Variants in PLXNC1 observed in about 807,000 individuals in gnomAD.
PLXNC1 encodes plexin C1.
PLXNC1 carries 75 observed loss-of-function variants against 178.2 expected under a neutral mutation model. That is an observed-to-expected ratio of 0.42 (90% CI 0.35 to 0.51). The LOEUF (loss-of-function observed/expected upper bound fraction) is 0.51, where lower values mean the gene tolerates loss of function less well. Among genes scored for constraint, PLXNC1 ranks in the 20% least tolerant of loss-of-function variants. PLXNC1 has a pLI of 0.02. For missense variants in PLXNC1, 1,503 were observed against 1,984.4 expected (o/e 0.76, Z 4.61); for synonymous variants, 790 against 779.9 (o/e 1.01, Z -0.22).
intron 20 of PLXNC1, among the ~76,000 whole-genome samples, chr12:94,262,275 C>T (rs1965010622): frequency 6.6e-6 from 1 of 152,212 alleles, no homozygotes; most frequent in African/African-American, 2.4e-5. Flanking sequence ...CATCTCAGCC[C>T]CGGTCAGCTG....
chr12:94,172,268 T>G lies in PLXNC1; in HGVS notation c.1203+2975T>G, dbSNP rs368564763. Reference sequence around the variant, plus strand: ...AGCCACAGCCTGACTCATCAGTTTCTGAGTGATCATGAGTTGACGGCATTT... The same window carrying G: ...AGCCACAGCCTGACTCATCAGTTTCGGAGTGATCATGAGTTGACGGCATTT... On this transcript the variant is annotated intron_variant, in intron 2 of 30. Coordinates refer to ENST00000258526, the MANE Select transcript of PLXNC1 (RefSeq NM_005761.3). 4.6e-5 allele frequency among the ~76,000 whole-genome samples: 7 copies of G among 152,304 alleles called. No homozygotes were observed. In the East Asian group the frequency reaches 1.4e-3, roughly 29 times the overall value.
At chr12:94,163,010 C>T (rs1422851963) in intron 1 of PLXNC1, among the ~76,000 whole-genome samples, 1 of 152,096 alleles carries the variant, frequency 6.6e-6, no homozygotes, top group Non-Finnish European at 1.5e-5. Context: ...AGGAGCCATC[C>T]CATGTAGAAT....
At chr12:94,227,491 G>A (rs1035878145) in intron 9 of PLXNC1, 11 of 323,634 alleles carry the variant, frequency 3.4e-5, no homozygotes, top group Non-Finnish European at 6.4e-5. Context: ...AAATTGTAAA[G>A]GTGACTTTGC....
chr12:94,303,769 A>G lies in PLXNC1; in HGVS notation c.4400A>G (p.Asn1467Ser). ...EQQLGKEAPT[N>S]KLLYAKDIPT... ...TTTTTTCCCCAGGAAGCACCAACTAATAAGCTTCTCTATGCCAAGGATATC... is the reference window on the plus strand; with the variant it reads ...TTTTTTCCCCAGGAAGCACCAACTAGTAAGCTTCTCTATGCCAAGGATATC... Residue 1467 changes from asparagine to serine, a missense_variant, in exon 29 of 31, where the codon AAT becomes AGT. By Grantham distance (46) the Asn-to-Ser change is conservative. This residue lies in a region of PLXNC1 where 639 missense variants were observed against 979.7 expected (regional missense o/e 0.65). Transcript: ENST00000258526. 1 of 1,553,078 alleles carries G rather than the reference A, an allele frequency of 6.4e-7. No homozygotes were observed. Among genetic ancestry groups the G allele is most frequent in the Non-Finnish European group, 8.6e-7 (1 of 1,157,404 alleles).
At position 94,224,353 on chromosome 12, in the gene PLXNC1, A is replaced by G; in HGVS notation, c.1790+38A>G. The G allele has an allele frequency of 2.8e-6, 3 of 1,086,440 alleles. No homozygotes were observed. In the South Asian group the frequency reaches 3.7e-5, roughly 14 times the overall value. 67.3% of individuals were successfully genotyped at this position (1,086,440 alleles called of 1,614,324 possible). On this transcript the variant is annotated intron_variant, in intron 7 of 30. Transcript: ENST00000258526. The stretch of plus-strand genomic sequence containing the variant: ...TTGAAATTTGAATATTCTCTCGTTG[A>G]TCTTAATTTACTTATTTGTTTGACT...
chr12:94,181,420 T>C (rs766162241), intron 2 of PLXNC1, 26 bp from the exon 3 acceptor site: 2 of 1,424,368 alleles, frequency 1.4e-6, no homozygotes, highest in East Asian at 4.6e-5. Context: ...AGAAATCATG[T>C]TTCTCTTTTT....
At chr12:94,296,776 A>G (rs1239617191) in intron 24 of PLXNC1, among the ~76,000 whole-genome samples, 4 of 152,236 alleles carry the variant, frequency 2.6e-5, no homozygotes. Flanking sequence ...TATCACAGTT[A>G]TAATAATTGT....
chr12:94,280,044 C>T (rs1231081546), intron 22 of PLXNC1: 10 of 350,524 alleles, frequency 2.9e-5, no homozygotes, highest in South Asian at 1.3e-4. Flanking sequence ...TGATACTGAG[C>T]GTGTCATTAC....
chr12:94,192,188 G>A (rs60570181), intron 4 of PLXNC1, among the ~76,000 whole-genome samples: 12,394 of 152,232 alleles, frequency 0.081, 638 homozygotes, highest in East Asian at 0.23. Flanking sequence ...CACCTAGTGA[G>A]AGCCTAATCT....
intron 4 of PLXNC1, among the ~76,000 whole-genome samples, chr12:94,204,956 T>A (rs1565808889): frequency 6.6e-6 from 1 of 152,200 alleles, no homozygotes; most frequent in South Asian, 2.1e-4. Context: ...GATATGTAGT[T>A]ATCAGATTCC....
At chr12:94,298,151 A>C (rs1160157766) in intron 26 of PLXNC1, among the ~76,000 whole-genome samples, 4 of 152,266 alleles carry the variant, frequency 2.6e-5, no homozygotes, top group Non-Finnish European at 5.9e-5. Flanking sequence ...GCTGTCCCAT[A>C]GAGCCCAGCC....
chr12:94,186,627 T>G, intron 4 of PLXNC1, 154 bp downstream of exon 4: 1 of 597,682 alleles, frequency 1.7e-6, no homozygotes, highest in Non-Finnish European at 3.1e-6. Flanking sequence ...TAATGAATTC[T>G]CGAAGGTGTT....
intron 1 of PLXNC1, among the ~76,000 whole-genome samples, chr12:94,164,215 AT>A (rs2135933348): frequency 6.6e-6 from 1 of 152,352 alleles, no homozygotes; most frequent in South Asian, 2.1e-4. Flanking sequence ...AGGGAACAGA[AT>A]ATAAAATTAA....
chr12:94,188,669 C>T (rs1409510559), intron 4 of PLXNC1, among the ~76,000 whole-genome samples: 1 of 152,204 alleles, frequency 6.6e-6, no homozygotes, highest in African/African-American at 2.4e-5. Context: ...CATGTCTGCA[C>T]TGTTGGGAAA....
chr12:94,243,575 G>A (rs1288964526), intron 11 of PLXNC1, among the ~76,000 whole-genome samples: 3 of 152,196 alleles, frequency 2.0e-5, no homozygotes, highest in Admixed American at 1.3e-4. Flanking sequence ...AGATTAAACA[G>A]TAATCAAACA....
At chr12:94,218,644 T>G (rs967496621) in intron 5 of PLXNC1, among the ~76,000 whole-genome samples, 2 of 152,066 alleles carry the variant, frequency 1.3e-5, no homozygotes, top group Admixed American at 1.3e-4. Flanking sequence ...ACCATTTCCT[T>G]GGGAAAAAGT....
chr12:94,212,881 G>A (rs553243018), intron 5 of PLXNC1, among the ~76,000 whole-genome samples: 22 of 143,432 alleles, frequency 1.5e-4, no homozygotes, highest in South Asian at 1.3e-3. Flanking sequence ...CACTACACCC[G>A]GCTAATTTTT....
chr12:94,305,510 G>C lies in PLXNC1; in HGVS notation c.*225G>C. 2.2e-6 allele frequency: 1 copy of C among 457,988 alleles called. No homozygotes were observed. The highest frequency in any genetic ancestry group is 3.9e-6 in the Non-Finnish European group (1 of 256,184). The allele number at this position is 457,988 out of a possible 1,614,324, so 28.4% of individuals were successfully genotyped here. The stretch of plus-strand genomic sequence containing the variant: ...CCCTTCTGTAAATAGAGTTGAAGTG[G>C]TTGTTGCAAACAGCCTCCTTGTTTA... On this transcript the variant is annotated 3_prime_UTR_variant, in exon 31 of 31. Coordinates refer to ENST00000258526, the MANE Select transcript of PLXNC1 (RefSeq NM_005761.3).
At chr12:94,199,407 C>T (rs1963040348) in intron 4 of PLXNC1, among the ~76,000 whole-genome samples, 1 of 152,274 alleles carries the variant, frequency 6.6e-6, no homozygotes, top group Admixed American at 6.5e-5. Flanking sequence ...ATTGTGCCGA[C>T]TAATTGTGTA....
Sources: allele counts gnomAD v4.1 joint callset (sites outside exome capture counted in the v4.1 genomes callset), GRCh38; gene constraint gnomAD v4.1.1; regional missense constraint gnomAD v4.1.1; transcripts MANE v1.5; gene names NCBI Gene and HGNC (gene_info 2026-07-23, HGNC 2026-07-21).